Variants in MSH3 observed in about 807,000 individuals in gnomAD.
The protein encoded by MSH3 is mutS homolog 3, also known as DNA mismatch repair protein Msh3.
Under a neutral mutation model 123.3 loss-of-function variants are expected in MSH3, and 106 were observed. That is an observed-to-expected ratio of 0.86 (90% CI 0.73 to 1.01). The LOEUF (loss-of-function observed/expected upper bound fraction) is 1.01, where lower values mean the gene tolerates loss of function less well. Among genes scored for constraint, MSH3 ranks in the 50% least tolerant of loss-of-function variants. MSH3 has a pLI of 0.00. For synonymous variants in MSH3, 515 were observed against 481.4 expected (o/e 1.07, Z -0.91); for missense variants, 1,459 against 1,347.6 (o/e 1.08, Z -1.29).
intron 19 of MSH3, among the ~76,000 whole-genome samples, chr5:80,793,873 G>A (rs779988324): frequency 2.6e-5 from 4 of 152,202 alleles, no homozygotes; most frequent in African/African-American, 7.2e-5. Flanking sequence ...GCTAAATGGA[G>A]CTGGGCACTG....
At chr5:80,687,031 T>C (rs919618634) in intron 8 of MSH3, among the ~76,000 whole-genome samples, 6 of 152,318 alleles carry the variant, frequency 3.9e-5, no homozygotes, top group African/African-American at 1.2e-4. Context: ...ACATTTCTTT[T>C]TATATCTGAA....
intron 22 of MSH3, among the ~76,000 whole-genome samples, chr5:80,866,265 G>T (rs1315467618): frequency 1.3e-5 from 2 of 151,940 alleles, no homozygotes; most frequent in Non-Finnish European, 2.9e-5. Flanking sequence ...CAGCCTCCCC[G>T]GTAGCTGGGA....
At chr5:80,792,212 T>C (rs2112025931) in intron 18 of MSH3, among the ~76,000 whole-genome samples, 1 of 152,134 alleles carries the variant, frequency 6.6e-6, no homozygotes, top group East Asian at 1.9e-4. Context: ...AATGAAAATA[T>C]TGGTTTGATC....
At chr5:80,782,788 C>A (rs1744433592) in intron 17 of MSH3, among the ~76,000 whole-genome samples, 1 of 152,104 alleles carries the variant, frequency 6.6e-6, no homozygotes, top group South Asian at 2.1e-4. Context: ...ACTATGATAT[C>A]ATTAAAAAAA....
chr5:80,660,128 A>G (rs2112805215), intron 2 of MSH3, among the ~76,000 whole-genome samples: 1 of 152,256 alleles, frequency 6.6e-6, no homozygotes, highest in East Asian at 1.9e-4. Context: ...AAGAGGTTTA[A>G]TTGGACTTAC....
At chr5:80,708,817 C>T (rs1159147890) in intron 8 of MSH3, among the ~76,000 whole-genome samples, 1 of 152,052 alleles carries the variant, frequency 6.6e-6, no homozygotes, top group African/African-American at 2.4e-5. Context: ...CTCTGTCACC[C>T]AGGCTGGAGT....
rs374003265 is a variant in MSH3, at chr5:80,705,639, A to C, written c.1341-19814A>C. Among the ~76,000 whole-genome samples, 20 of 152,368 alleles carry C rather than the reference A, an allele frequency of 1.3e-4. No homozygotes were observed. In the East Asian group the frequency reaches 2.7e-3, roughly 21 times the overall value. ...AAGCAACAGAAATTCATTATTTCATAGTTCTGGAGGATAGAAGTAAAAATA... is the reference window on the plus strand; with the variant it reads ...AAGCAACAGAAATTCATTATTTCATCGTTCTGGAGGATAGAAGTAAAAATA... On this transcript the variant is annotated intron_variant, in intron 8 of 23. Transcript: ENST00000265081.
chr5:80,686,348 G>C (rs551293897), intron 8 of MSH3, among the ~76,000 whole-genome samples: 8 of 150,908 alleles, frequency 5.3e-5, no homozygotes, highest in East Asian at 1.9e-4. Flanking sequence ...TGTCACCCAG[G>C]GGGCAGTGCA....
intron 12 of MSH3, among the ~76,000 whole-genome samples, chr5:80,747,084 T>C (rs1743734720): frequency 6.6e-6 from 1 of 152,160 alleles, no homozygotes; most frequent in South Asian, 2.1e-4. Context: ...TAAGCAGACC[T>C]TGTAGAGCAG....
intron 12 of MSH3, among the ~76,000 whole-genome samples, chr5:80,759,645 G>A (rs996460584): frequency 1.3e-5 from 2 of 152,194 alleles, no homozygotes; most frequent in Non-Finnish European, 2.9e-5. Context: ...GTTTAAAGCA[G>A]AGGTGTGACA....
At chr5:80,744,465 A>T in intron 11 of MSH3, 41 bp from the exon 12 acceptor site, 1 of 1,399,088 alleles carries the variant, frequency 7.1e-7, no homozygotes, top group Non-Finnish European at 1.0e-6. Context: ...TGGCACAAAT[A>T]ATTGTCTAGT....
chr5:80,768,037 G>C lies in MSH3; in HGVS notation c.2001G>C (p.Leu667Phe). 1.2e-6 allele frequency: 2 copies of C among 1,613,742 alleles called. No homozygotes were observed. Among genetic ancestry groups the C allele is most frequent in the South Asian group, 2.2e-5 (2 of 91,080 alleles). The change falls in exon 14 of 24, where the codon TTG (leucine) becomes TTC (phenylalanine). Residue 667 changes from leucine to phenylalanine, a missense_variant. Coordinates refer to ENST00000265081, the MANE Select transcript of MSH3 (RefSeq NM_002439.5). The part of the protein sequence containing the change: ...PAVNSHIQSD[L>F]LRTVILEIPE... ...TTAATTCCCACATTCAGTCAGACTT[G>C]CTCCGGACCGTTATTTTAGAAATTC...
Position 80,756,257 on chromosome 5 carries a change from AC to A in MSH3, c.1764-5288del, listed in dbSNP as rs1361209952. ...TCCAAAAAGAAAGAAAGAAAAGAAA[AC>A]AACAACAACAAAGCAGGATATGGGT... On this transcript the variant is annotated intron_variant, in intron 12 of 23. Coordinates refer to ENST00000265081, the MANE Select transcript of MSH3 (RefSeq NM_002439.5). Among the ~76,000 whole-genome samples, 8 of 152,302 alleles carry A rather than the reference AC, an allele frequency of 5.3e-5. No homozygotes were observed. The East Asian group carries it at 1.5e-3, about 29-fold the overall frequency.
intron 12 of MSH3, chr5:80,746,236 A>G (rs32959): frequency 0.75 from 184,545 of 245,684 alleles, 69,696 homozygotes; most frequent in East Asian, 0.98. Context: ...TTGATTTGCT[A>G]CTGCATTTCA....
chr5:80,776,460 C>A (rs1744301002), intron 16 of MSH3, among the ~76,000 whole-genome samples: 1 of 152,160 alleles, frequency 6.6e-6, no homozygotes, highest in South Asian at 2.1e-4. Context: ...CCTCACTGAG[C>A]TCCACATTTC....
chr5:80,854,427 CAT>C (rs1273159274), intron 21 of MSH3, 111 bp downstream of exon 21: 4 of 940,122 alleles, frequency 4.3e-6, no homozygotes, highest in South Asian at 1.5e-5. Context: ...TGTTTTGAAA[CAT>C]ATAAACAATA....
intron 8 of MSH3, among the ~76,000 whole-genome samples, chr5:80,701,570 T>G (rs544358464): frequency 6.6e-6 from 1 of 152,312 alleles, no homozygotes; most frequent in South Asian, 2.1e-4. Context: ...TTTTTTCTTC[T>G]CCTTTTCATG....
intron 7 of MSH3, among the ~76,000 whole-genome samples, chr5:80,678,501 T>C (rs1248517996): frequency 2.0e-5 from 3 of 152,212 alleles, no homozygotes; most frequent in Admixed American, 1.3e-4. Context: ...CTTGTTACTT[T>C]GAGTGATAAC....
chr5:80,660,372 A>G (rs943526246), intron 2 of MSH3, among the ~76,000 whole-genome samples: 3 of 152,136 alleles, frequency 2.0e-5, no homozygotes, highest in African/African-American at 7.2e-5. Flanking sequence ...ATAGCATGGG[A>G]AAGACTGGCT....
Sources: allele counts gnomAD v4.1 joint callset (sites outside exome capture counted in the v4.1 genomes callset), GRCh38; gene constraint gnomAD v4.1.1; transcripts MANE v1.5; gene names NCBI Gene and HGNC (gene_info 2026-07-23, HGNC 2026-07-21).